Variants in ST7 observed in about 807,000 individuals in gnomAD.
ST7 encodes the protein suppressor of tumorigenicity 7 protein.
ST7 carries 28 observed loss-of-function variants against 78.7 expected under a neutral mutation model. The observed-to-expected ratio is 0.36, with a 90% CI of 0.26 to 0.49. The LOEUF (loss-of-function observed/expected upper bound fraction) is 0.49. Among genes scored for constraint, ST7 ranks in the 20% least tolerant of loss-of-function variants. The probability of loss-of-function intolerance (pLI) is 0.99; values close to 1 mark genes in which losing one functional copy is unlikely to be tolerated. For synonymous variants in ST7, 247 were observed against 249.6 expected, an observed-to-expected ratio of 0.99 and a Z score of 0.10; for missense variants, 418 against 696.0, an observed-to-expected ratio of 0.60 and a Z score of 4.49.
intron 10 of ST7, among the ~76,000 whole-genome samples, chr7:117,183,100 TTTTGTTTGTTTGTTTG>T (rs370293819): frequency 1.3e-5 from 2 of 151,902 alleles, no homozygotes; most frequent in African/African-American, 4.8e-5. Flanking sequence ...TTTTAGGTTT[TTTTGTTTGTTTGTTTG>T]TTTGTTTGTT....
At chr7:117,001,237 C>T (rs796504264) in intron 1 of ST7, among the ~76,000 whole-genome samples, 8 of 152,260 alleles carry the variant, frequency 5.3e-5, no homozygotes, top group African/African-American at 1.4e-4. Context: ...ATTCGCCTGC[C>T]TCCACTTTAA....
chr7:117,216,640 C>A (rs1289349767), intron 13 of ST7, among the ~76,000 whole-genome samples: 1 of 152,158 alleles, frequency 6.6e-6, no homozygotes, highest in Non-Finnish European at 1.5e-5. Context: ...AGTGCCTCTA[C>A]CGGCCTCTCT....
In ST7 at chr7:117,019,163, G is replaced by C. The variant is rs6945317; in HGVS notation, c.151+65472G>C. ...GGCATATACCTTGGATGAATGGGTG[G>C]AGAGGAGACTTGAACTATTGAACTT... is the stretch of plus-strand genomic sequence containing the variant. On this transcript the variant is annotated intron_variant, in intron 1 of 15. Coordinates refer to ENST00000323984, the MANE Select transcript of ST7 (RefSeq NM_001369598.1). 7.1e-3 allele frequency among the ~76,000 whole-genome samples: 1,084 copies of C among 152,270 alleles called. 15 individuals are homozygous for C. The highest frequency in any genetic ancestry group is 0.025 in the African/African-American group (1,037 of 41,564).
intron 12 of ST7, among the ~76,000 whole-genome samples, chr7:117,197,832 C>A (rs1231051933): frequency 2.0e-5 from 3 of 152,138 alleles, no homozygotes; most frequent in Admixed American, 6.5e-5. Context: ...GCCTGTAATT[C>A]CAGCATTTTG....
intron 1 of ST7, among the ~76,000 whole-genome samples, chr7:117,068,096 T>G (rs1355426788): frequency 1.3e-5 from 2 of 152,204 alleles, no homozygotes; most frequent in Non-Finnish European, 2.9e-5. Flanking sequence ...GAAACCTCAG[T>G]TATGCTATAA....
chr7:117,015,995 C>T (rs561655915), intron 1 of ST7, among the ~76,000 whole-genome samples: 1 of 152,202 alleles, frequency 6.6e-6, no homozygotes, highest in Admixed American at 6.5e-5. Context: ...CAGTTAATTA[C>T]AGTGTGCAAA....
At position 116,960,651 on chromosome 7, in the gene ST7, CCATT is replaced by C. The variant is rs1792780118; in HGVS notation, c.151+6964_151+6967del. ...TTCCACATTGGTAGAACCCTGAACT[CCATT>C]CATACAGATAATATGAGGTACTTAA... On this transcript the variant is annotated intron_variant, in intron 1 of 15. Transcript: ENST00000323984. Among the ~76,000 whole-genome samples the C allele has an allele frequency of 7.2e-5, 11 of 152,242 alleles. No individual in the cohort carries two copies. In the South Asian group the frequency reaches 2.3e-3, roughly 32 times the overall value.
At chr7:116,987,319 T>G (rs902993651) in intron 1 of ST7, among the ~76,000 whole-genome samples, 1 of 152,190 alleles carries the variant, frequency 6.6e-6, no homozygotes, top group Non-Finnish European at 1.5e-5. Flanking sequence ...GGTATATGTT[T>G]GAGGCACAGG....
chr7:117,160,322 C>T (rs1056526937), intron 9 of ST7, among the ~76,000 whole-genome samples: 7 of 151,776 alleles, frequency 4.6e-5, no homozygotes, highest in African/African-American at 1.7e-4. Flanking sequence ...ATATCTGTGT[C>T]AACATTATTT....
In ST7 at chr7:117,209,913, C is replaced by A; in HGVS notation, c.1381C>A (p.Leu461Ile). The stretch of plus-strand genomic sequence containing the variant: ...GAAGAGAGTGGAAGGGGCTTTGAAT[C>A]TTTTGCATTGTACGTGGGAAGGCAG... ...HWKRVEGALN[L>I]LHCTWEGTFR... is the part of the protein sequence containing the mutation. Residue 461 changes from leucine to isoleucine, a missense_variant, in exon 13 of 16, where the codon CTT becomes ATT. Leu to Ile is a conservative substitution (Grantham distance 5, BLOSUM62 2). Coordinates refer to ENST00000323984, the MANE Select transcript of ST7 (RefSeq NM_001369598.1). The A allele has an allele frequency of 3.1e-6, 5 of 1,613,712 alleles. No individual in the cohort carries two copies. Among genetic ancestry groups the A allele is most frequent in the Non-Finnish European group, 4.2e-6 (5 of 1,179,920 alleles).
At chr7:117,184,358 C>T (rs60036650) in intron 10 of ST7, among the ~76,000 whole-genome samples, 2 of 152,324 alleles carry the variant, frequency 1.3e-5, no homozygotes, top group East Asian at 3.9e-4. Context: ...CAGAAGGGCA[C>T]TGCAGAGTCA....
intron 1 of ST7, among the ~76,000 whole-genome samples, chr7:117,081,360 G>A (rs376441608): frequency 1.3e-5 from 2 of 151,954 alleles, no homozygotes; most frequent in Admixed American, 6.6e-5. Context: ...AATTTTAAAT[G>A]CTTCTCAAAT....
intron 12 of ST7, among the ~76,000 whole-genome samples, chr7:117,191,914 C>G (rs1176015908): frequency 6.6e-6 from 1 of 151,968 alleles, no homozygotes; most frequent in Non-Finnish European, 1.5e-5. Context: ...ATGGAGTTAA[C>G]TACTTTATTT....
intron 1 of ST7, among the ~76,000 whole-genome samples, chr7:117,006,806 C>A (rs1028295562): frequency 4.6e-5 from 7 of 152,204 alleles, no homozygotes; most frequent in Non-Finnish European, 1.0e-4. Flanking sequence ...GTAATTCTTA[C>A]AATATTTCAA....
chr7:117,105,562 G>T (rs1428880829), intron 2 of ST7, among the ~76,000 whole-genome samples: 1 of 152,196 alleles, frequency 6.6e-6, no homozygotes, highest in Non-Finnish European at 1.5e-5. Context: ...GATTACAGGC[G>T]TGAGCCACCA....
chr7:117,149,871 T>C (rs567883351), intron 9 of ST7, among the ~76,000 whole-genome samples: 1 of 152,282 alleles, frequency 6.6e-6, no homozygotes, highest in Non-Finnish European at 1.5e-5. Flanking sequence ...GGTTTACTTG[T>C]GGTTGCCCGG....
At chr7:117,040,502 C>T (rs1322971529) in intron 1 of ST7, among the ~76,000 whole-genome samples, 1 of 152,182 alleles carries the variant, frequency 6.6e-6, no homozygotes, top group Non-Finnish European at 1.5e-5. Context: ...TCCTAGTGTT[C>T]AATACATGTT....
chr7:117,016,821 A>G (rs990730109), intron 1 of ST7, among the ~76,000 whole-genome samples: 1 of 152,180 alleles, frequency 6.6e-6, no homozygotes, highest in Admixed American at 6.5e-5. Context: ...GCTATATTTA[A>G]TCTATTAAAC....
At chr7:117,184,445 C>T (rs1026795608) in intron 10 of ST7, among the ~76,000 whole-genome samples, 3 of 152,338 alleles carry the variant, frequency 2.0e-5, no homozygotes, top group Admixed American at 2.0e-4. Flanking sequence ...GAATAAATTA[C>T]AGGCAATATT....
Sources: gnomAD v4.1 joint callset for allele counts (sites outside exome capture counted in the v4.1 genomes callset) on GRCh38, gnomAD v4.1.1 for gene constraint, MANE v1.5 for transcripts, NCBI Gene and HGNC (gene_info 2026-07-23, HGNC 2026-07-21) for gene names.